Variants in LINGO2 observed in about 807,000 individuals in gnomAD.
The protein encoded by LINGO2 is leucine rich repeat and Ig domain containing 2, also known as leucine-rich repeat and immunoglobulin-like domain-containing nogo receptor-interacting protein 2.
Under a neutral mutation model 30.6 loss-of-function variants are expected in LINGO2, and 14 were observed. That is an observed-to-expected ratio of 0.46 (90% CI 0.30 to 0.72). The LOEUF (loss-of-function observed/expected upper bound fraction) is 0.72. Ranked by LOEUF, LINGO2 falls within the 30% of genes least tolerant of loss-of-function variation. The probability of loss-of-function intolerance (pLI) is 0.07; values close to 1 mark genes in which losing one functional copy is unlikely to be tolerated. For synonymous variants in LINGO2, 317 were observed against 288.5 expected (o/e 1.10, Z -1.00); for missense variants, 729 against 751.7 (o/e 0.97, Z 0.35).
rs778199366 is a variant in LINGO2, at chr9:28,130,708, A to T, written c.-86-118303T>A. Among the ~76,000 whole-genome samples the T allele has an allele frequency of 6.6e-5, 10 of 152,296 alleles. No homozygotes were observed. The highest frequency in any genetic ancestry group is 1.3e-4 in the Non-Finnish European group (9 of 68,002). On this transcript the variant is annotated intron_variant, in intron 4 of 5. Coordinates refer to ENST00000379992, the Ensembl canonical transcript of LINGO2. The surrounding 1 kb of genome is among the most constrained non-coding windows in gnomAD (Gnocchi z 5.2). ...GAGTGACCTTAGGGCTAGGATGGCC[A>T]GAGTTTCAGATAATAGAGAAGAGTA... is the stretch of plus-strand genomic sequence containing the variant.
At chr9:28,618,784 A>G (rs1826255818) in intron 1 of LINGO2, among the ~76,000 whole-genome samples, 1 of 152,248 alleles carries the variant, frequency 6.6e-6, no homozygotes, top group Admixed American at 6.5e-5. Flanking sequence ...ATAAACTTGT[A>G]TTATTGCTTT....
chr9:28,509,195 A>G (rs1482486677), intron 1 of LINGO2, among the ~76,000 whole-genome samples: 1 of 152,164 alleles, frequency 6.6e-6, no homozygotes, highest in Non-Finnish European at 1.5e-5. Flanking sequence ...GTAATTTACA[A>G]AGCAATTCTA....
intron 1 of LINGO2, among the ~76,000 whole-genome samples, chr9:28,606,806 A>G (rs1825711678): frequency 6.6e-6 from 1 of 152,104 alleles, no homozygotes; most frequent in African/African-American, 2.4e-5. Context: ...GTAAAATTGA[A>G]TCATAAAACG....
chr9:28,056,895 C>A (rs548392771), intron 4 of LINGO2, among the ~76,000 whole-genome samples: 1 of 152,122 alleles, frequency 6.6e-6, no homozygotes, highest in African/African-American at 2.4e-5. Flanking sequence ...CTGAAATGAC[C>A]TTGGATTAAG....
chr9:28,438,100 T>A (rs1379873077), intron 2 of LINGO2, among the ~76,000 whole-genome samples: 2 of 152,122 alleles, frequency 1.3e-5, no homozygotes, highest in Non-Finnish European at 2.9e-5. Flanking sequence ...TCATGATGGT[T>A]CCCTTTCTGA....
chr9:28,848,383 G>A, the LINGO2 span, among the ~76,000 whole-genome samples: 13 of 56,582 alleles, frequency 2.3e-4, no homozygotes, highest in African/African-American at 6.6e-4. Context: ...GTGTGTGTGT[G>A]TGTGTGTGTG....
chr9:28,881,228 A>G, the LINGO2 span, among the ~76,000 whole-genome samples: 1 of 152,162 alleles, frequency 6.6e-6, no homozygotes, highest in East Asian at 1.9e-4. Flanking sequence ...GGTTCCAGCG[A>G]TTCTCCTGCC....
At chr9:28,172,028 AAAAAAC>A (rs1755759263) in intron 4 of LINGO2, among the ~76,000 whole-genome samples, 2 of 92,036 alleles carry the variant, frequency 2.2e-5, no homozygotes, top group African/African-American at 1.1e-4. Flanking sequence ...AAAAAAAAAA[AAAAAAC>A]AAAAAAAAAA....
At chr9:28,955,236 TAGAC>T in the LINGO2 span, among the ~76,000 whole-genome samples, 1 of 151,912 alleles carries the variant, frequency 6.6e-6, no homozygotes, top group African/African-American at 2.4e-5. Flanking sequence ...CTAACAGAGA[TAGAC>T]AGGCAAAGAG....
intron 3 of LINGO2, among the ~76,000 whole-genome samples, chr9:28,360,467 T>A (rs1241425577): frequency 6.6e-6 from 1 of 152,206 alleles, no homozygotes; most frequent in Non-Finnish European, 1.5e-5. Flanking sequence ...AACTGCCCCA[T>A]GTCCTTCAGC....
the LINGO2 span, among the ~76,000 whole-genome samples, chr9:28,713,093 T>C: frequency 1.3e-5 from 2 of 152,128 alleles, no homozygotes; most frequent in Non-Finnish European, 2.9e-5. Flanking sequence ...CTTGAACTCC[T>C]GACCTCGTGA....
chr9:28,802,678 A>G, the LINGO2 span, among the ~76,000 whole-genome samples: 1 of 152,034 alleles, frequency 6.6e-6, no homozygotes, highest in East Asian at 1.9e-4. Flanking sequence ...GTAACAAAAA[A>G]GAATACTTAA....
chr9:28,123,147 G>A (rs1827145673), intron 4 of LINGO2, among the ~76,000 whole-genome samples: 1 of 152,138 alleles, frequency 6.6e-6, no homozygotes, highest in African/African-American at 2.4e-5. Flanking sequence ...TTGAATAACG[G>A]TGAATGGAGA....
intron 5 of LINGO2, among the ~76,000 whole-genome samples, chr9:27,987,153 G>A (rs937264534): frequency 1.3e-5 from 2 of 151,822 alleles, no homozygotes; most frequent in African/African-American, 4.8e-5. Context: ...GATGAAAGTA[G>A]ATGTCTTCTA....
At chr9:27,995,320 TA>T (rs1028422484) in intron 5 of LINGO2, among the ~76,000 whole-genome samples, 1 of 152,080 alleles carries the variant, frequency 6.6e-6, no homozygotes, top group African/African-American at 2.4e-5. Flanking sequence ...TTTAAAGACC[TA>T]ATACTAATTC....
the LINGO2 span, among the ~76,000 whole-genome samples, chr9:29,080,921 A>G: frequency 6.6e-6 from 1 of 151,946 alleles, no homozygotes; most frequent in Non-Finnish European, 1.5e-5. Flanking sequence ...GACTGTATAT[A>G]CTGTTGATTT....
At chr9:28,497,730 G>T (rs1461003622) in intron 1 of LINGO2, among the ~76,000 whole-genome samples, 1 of 152,092 alleles carries the variant, frequency 6.6e-6, no homozygotes, top group Non-Finnish European at 1.5e-5. Context: ...AGGGGTAGAG[G>T]CACTCTGATT....
chr9:29,090,918 T>C, the LINGO2 span, among the ~76,000 whole-genome samples: 1 of 152,066 alleles, frequency 6.6e-6, no homozygotes, highest in Non-Finnish European at 1.5e-5. Flanking sequence ...TCAGTAATTA[T>C]TATCTTGAGA....
the LINGO2 span, among the ~76,000 whole-genome samples, chr9:28,737,260 C>T: frequency 3.3e-5 from 5 of 152,264 alleles, no homozygotes; most frequent in African/African-American, 7.2e-5. Context: ...TCATCCAAGC[C>T]TTGGTGCCAG....
Sources: allele counts gnomAD v4.1 joint callset (sites outside exome capture counted in the v4.1 genomes callset), GRCh38; gene constraint gnomAD v4.1.1; non-coding constraint Gnocchi (gnomAD v3.1); transcripts MANE v1.5; gene names NCBI Gene and HGNC (gene_info 2026-07-23, HGNC 2026-07-21).